CACNA2D1: variants seen among roughly 807,000 people sequenced by gnomAD.
The protein encoded by CACNA2D1 is voltage-dependent calcium channel subunit alpha-2/delta-1.
In CACNA2D1, 53 loss-of-function variants were observed where a neutral mutation model predicts 171.5. That is an observed-to-expected ratio of 0.31 (90% confidence interval 0.25 to 0.39). The LOEUF is 0.39. Ranked by LOEUF, CACNA2D1 falls within the 10% of genes least tolerant of loss-of-function variation. CACNA2D1 has a pLI of 1.00. For synonymous variants in CACNA2D1, 442 were observed against 443.1 expected (o/e 1.00, Z 0.03); for missense variants, 903 against 1,299.8 (o/e 0.69, Z 4.69).
intron 4 of CACNA2D1, among the ~76,000 whole-genome samples, chr7:82,162,178 GC>G (rs1795009762): frequency 6.6e-6 from 1 of 152,000 alleles, no homozygotes; most frequent in Non-Finnish European, 1.5e-5. Context: ...ATTGGAGTGG[GC>G]TGGCCAGTGA....
chr7:82,086,424 G>A (rs190891293), intron 6 of CACNA2D1, among the ~76,000 whole-genome samples: 171 of 152,238 alleles, frequency 1.1e-3, no homozygotes, highest in African/African-American at 4.0e-3. Context: ...AGTTGTGTGT[G>A]TGTGAATATT....
intron 2 of CACNA2D1, among the ~76,000 whole-genome samples, chr7:82,345,379 G>A (rs549572221): frequency 5.3e-5 from 8 of 152,256 alleles, no homozygotes; most frequent in African/African-American, 1.9e-4. Flanking sequence ...CTATGGCAAT[G>A]CCACTGTAGA....
At chr7:82,132,780 C>G (rs1791145864) in intron 5 of CACNA2D1, among the ~76,000 whole-genome samples, 1 of 152,182 alleles carries the variant, frequency 6.6e-6, no homozygotes, top group Admixed American at 6.5e-5. Flanking sequence ...ATCTCTCTAA[C>G]AGACAAACTG....
intron 7 of CACNA2D1, among the ~76,000 whole-genome samples, chr7:82,083,343 T>C (rs1158284823): frequency 6.6e-6 from 1 of 151,962 alleles, no homozygotes; most frequent in Non-Finnish European, 1.5e-5. Flanking sequence ...ATAATTGTTT[T>C]ATAAGACCTG....
At chr7:82,302,989 G>GTTTT (rs1434646014) in intron 3 of CACNA2D1, among the ~76,000 whole-genome samples, 2 of 152,006 alleles carry the variant, frequency 1.3e-5, no homozygotes, top group East Asian at 3.9e-4. Flanking sequence ...TGTTTTTTCT[G>GTTTT]TTTTTTTGTT....
intron 3 of CACNA2D1, among the ~76,000 whole-genome samples, chr7:82,204,902 G>A (rs13438556): frequency 0.2 from 29,746 of 152,144 alleles, 3,213 homozygotes; most frequent in African/African-American, 0.28. Context: ...CAGCGAGTTT[G>A]GAGCACTGGT....
At position 81,987,639 on chromosome 7, in the gene CACNA2D1, T is replaced by G. The variant is rs141075332; in HGVS notation, c.1797-2928A>C. 3.0e-3 allele frequency among the ~76,000 whole-genome samples: 451 copies of G among 152,296 alleles called. 1 individual carries two copies. Among genetic ancestry groups the G allele is most frequent in the African/African-American group, 0.01 (424 of 41,562 alleles). ...ACATATCATGTTTTTTCCTTCAACT[T>G]AGATGTAACATTTTGTTCTAAATTG... On this transcript the variant is annotated intron_variant, in intron 21 of 38. Transcript: ENST00000356860.
rs546875572 is a variant in CACNA2D1, at chr7:81,950,139, AGAG to A, written c.*250_*252del. The stretch of plus-strand genomic sequence containing the variant: ...ACAACAAACTCCCAAATTTTCCAAT[AGAG>A]GACACGTATAGGATTTTGCTTTGAT... On this transcript the variant is annotated 3_prime_UTR_variant, in exon 39 of 39. Coordinates refer to ENST00000356860, the MANE Select transcript of CACNA2D1 (RefSeq NM_000722.4). 1.7e-4 allele frequency: 88 copies of A among 523,000 alleles called. 1 individual carries two copies. The East Asian group carries it at 2.8e-3, about 17-fold the overall frequency. The allele number at this position is 523,000 out of a possible 1,614,324, so 32.4% of individuals were successfully genotyped here.
chr7:82,078,907 G>C (rs991028187), intron 7 of CACNA2D1, among the ~76,000 whole-genome samples: 2 of 150,710 alleles, frequency 1.3e-5, no homozygotes, highest in East Asian at 3.9e-4. Context: ...GGAGAAAGAG[G>C]AAAAAAAGAA....
At chr7:82,151,103 A>G (rs1385480449) in intron 4 of CACNA2D1, among the ~76,000 whole-genome samples, 1 of 152,164 alleles carries the variant, frequency 6.6e-6, no homozygotes, top group Non-Finnish European at 1.5e-5. Flanking sequence ...AAGATTCTCA[A>G]CAAATTCAAA....
At chr7:82,292,997 C>T (rs905563956) in intron 3 of CACNA2D1, among the ~76,000 whole-genome samples, 31 of 151,608 alleles carry the variant, frequency 2.0e-4, no homozygotes, top group African/African-American at 2.7e-4. Context: ...TCTTTCTTTT[C>T]GGAAACCTTA....
intron 6 of CACNA2D1, among the ~76,000 whole-genome samples, chr7:82,105,368 T>A (rs986523202): frequency 6.7e-6 from 1 of 149,854 alleles, no homozygotes; most frequent in South Asian, 2.1e-4. Context: ...TGGTTATATA[T>A]CCTAGAAAAT....
chr7:81,948,799 CAT>C lies in CACNA2D1; in HGVS notation c.*1591_*1592del, dbSNP rs1209387867. 1.3e-5 allele frequency: 2 copies of C among 151,934 alleles called. No individual in the cohort carries two copies. Among genetic ancestry groups the C allele is most frequent in the African/African-American group, 4.8e-5 (2 of 41,424 alleles). The allele number at this position is 151,934 out of a possible 1,614,324, so 9.4% of individuals were successfully genotyped here. On this transcript the variant is annotated 3_prime_UTR_variant, in exon 39 of 39. Coordinates refer to ENST00000356860, the MANE Select transcript of CACNA2D1 (RefSeq NM_000722.4). Reference sequence around the variant, plus strand: ...TTAACTATTCTTAGAATTACACATTCATAGTTTTTACCTTTTCTTCAAATACT... The same window carrying C: ...TTAACTATTCTTAGAATTACACATTCAGTTTTTACCTTTTCTTCAAATACT...
intron 21 of CACNA2D1, among the ~76,000 whole-genome samples, chr7:81,987,264 A>C (rs963000155): frequency 1.3e-5 from 2 of 152,216 alleles, no homozygotes; most frequent in Non-Finnish European, 2.9e-5. Context: ...ATTCCTAGTC[A>C]ATGGTGCTGT....
intron 1 of CACNA2D1, among the ~76,000 whole-genome samples, chr7:82,389,386 A>G (rs756995123): frequency 6.6e-6 from 1 of 152,086 alleles, no homozygotes; most frequent in Non-Finnish European, 1.5e-5. Flanking sequence ...TCATGTTGAT[A>G]GTATTTAACA....
intron 3 of CACNA2D1, among the ~76,000 whole-genome samples, chr7:82,209,578 A>C (rs1800352376): frequency 6.6e-6 from 1 of 152,144 alleles, no homozygotes; most frequent in South Asian, 2.1e-4. Context: ...AATAGGGAAC[A>C]AACAGATTGG....
chr7:82,215,489 A>G (rs1281001227), intron 3 of CACNA2D1, among the ~76,000 whole-genome samples: 1 of 152,168 alleles, frequency 6.6e-6, no homozygotes, highest in African/African-American at 2.4e-5. Context: ...ACTCCAAATA[A>G]ACCATTCCAT....
intron 1 of CACNA2D1, among the ~76,000 whole-genome samples, chr7:82,418,905 T>C (rs1263189342): frequency 1.3e-5 from 2 of 151,388 alleles, no homozygotes; most frequent in African/African-American, 2.4e-5. Flanking sequence ...GATCACGAGG[T>C]CAGGAGATCG....
chr7:82,095,557 A>G (rs1162201835), intron 6 of CACNA2D1, among the ~76,000 whole-genome samples: 1 of 152,208 alleles, frequency 6.6e-6, no homozygotes, highest in Non-Finnish European at 1.5e-5. Flanking sequence ...AGAAAACATT[A>G]TGTACAATAG....
Sources: allele counts gnomAD v4.1 joint callset (sites outside exome capture counted in the v4.1 genomes callset), GRCh38; gene constraint gnomAD v4.1.1; transcripts MANE v1.5; gene names NCBI Gene and HGNC (gene_info 2026-07-23, HGNC 2026-07-21).